Variants in RGS6 observed in about 807,000 individuals in gnomAD.
RGS6 encodes the protein regulator of G protein signaling 6, also known as regulator of G-protein signaling 6.
RGS6 carries 30 observed loss-of-function variants against 78.5 expected under a neutral mutation model. The observed-to-expected ratio is 0.38, with a 90% CI of 0.29 to 0.52. The LOEUF (loss-of-function observed/expected upper bound fraction) is 0.52, where lower values mean the gene tolerates loss of function less well. Ranked by LOEUF, RGS6 falls within the 20% of genes least tolerant of loss-of-function variation. The pLI is 0.85. For missense variants in RGS6, 495 were observed against 609.7 expected (o/e 0.81, Z 1.98); for synonymous variants, 206 against 206.0 (o/e 1.00, Z 0.00).
intron 2 of RGS6, among the ~76,000 whole-genome samples, chr14:71,968,206 A>G (rs927393209): frequency 7.2e-5 from 11 of 152,172 alleles, no homozygotes; most frequent in African/African-American, 1.9e-4. Flanking sequence ...CTAGCTATAC[A>G]TCACATCATT....
At chr14:72,604,578 G>A in the RGS6 span, among the ~76,000 whole-genome samples, 13 of 152,292 alleles carry the variant, frequency 8.5e-5, 3 homozygotes, top group Middle Eastern at 0.041. Flanking sequence ...ACATGAGACG[G>A]TGAGTTGTGT....
the RGS6 span, among the ~76,000 whole-genome samples, chr14:71,905,167 C>T: frequency 6.6e-6 from 1 of 152,184 alleles, no homozygotes; most frequent in Non-Finnish European, 1.5e-5. Context: ...GTTTCTTTTT[C>T]CATCCATGGA....
intron 3 of RGS6, among the ~76,000 whole-genome samples, chr14:72,412,889 TC>T (rs1432385097): frequency 1.3e-5 from 2 of 152,010 alleles, no homozygotes; most frequent in Admixed American, 6.5e-5. Context: ...TGAGTGAGTT[TC>T]TTAATCCTGA....
intron 3 of RGS6, among the ~76,000 whole-genome samples, chr14:72,391,599 A>G (rs2090004550): frequency 6.6e-6 from 1 of 152,178 alleles, no homozygotes. Context: ...TCTGTTACAT[A>G]TATGTATATA....
chr14:72,121,085 C>G (rs1801729658), intron 2 of RGS6, among the ~76,000 whole-genome samples: 1 of 152,186 alleles, frequency 6.6e-6, no homozygotes, highest in African/African-American at 2.4e-5. Flanking sequence ...AACCGCATCT[C>G]TCTCCCTCAG....
At chr14:72,381,488 C>T (rs760054102) in intron 3 of RGS6, among the ~76,000 whole-genome samples, 6 of 151,924 alleles carry the variant, frequency 3.9e-5, no homozygotes, top group African/African-American at 1.2e-4. Flanking sequence ...TATCAAAAAA[C>T]GACTGACAGC....
intron 2 of RGS6, among the ~76,000 whole-genome samples, chr14:72,161,524 C>T (rs2096853437): frequency 6.6e-6 from 1 of 152,158 alleles, no homozygotes; most frequent in Non-Finnish European, 1.5e-5. Context: ...GTACCATTTC[C>T]TCATTACTCA....
chr14:72,207,771 C>G (rs847295), intron 2 of RGS6, among the ~76,000 whole-genome samples: 143,337 of 152,274 alleles, frequency 0.94, 67,758 homozygotes, highest in South Asian at 1. Flanking sequence ...ACCCAATAGG[C>G]ACTCTCCCTT....
At chr14:72,097,097 A>G (rs1343694059) in intron 2 of RGS6, among the ~76,000 whole-genome samples, 1 of 152,236 alleles carries the variant, frequency 6.6e-6, no homozygotes, top group Non-Finnish European at 1.5e-5. Context: ...GAGTGAGTTG[A>G]AATCTTCAGC....
chr14:71,927,112 A>G, the RGS6 span, among the ~76,000 whole-genome samples: 1 of 152,232 alleles, frequency 6.6e-6, no homozygotes, highest in African/African-American at 2.4e-5. Context: ...ATGCCTAGGT[A>G]AAGAAGCTCG....
chr14:71,879,116 C>T, the RGS6 span, among the ~76,000 whole-genome samples: 2 of 152,066 alleles, frequency 1.3e-5, no homozygotes, highest in African/African-American at 4.8e-5. Flanking sequence ...GGAAGAAAAA[C>T]CCCAAGATTC....
At chr14:72,038,478 A>G (rs1433142074) in intron 2 of RGS6, among the ~76,000 whole-genome samples, 2 of 152,224 alleles carry the variant, frequency 1.3e-5, no homozygotes, top group Non-Finnish European at 2.9e-5. Flanking sequence ...TAGATTAATT[A>G]GGGGAAGATT....
At chr14:72,076,502 A>G (rs1231598031) in intron 2 of RGS6, among the ~76,000 whole-genome samples, 3 of 152,198 alleles carry the variant, frequency 2.0e-5, no homozygotes, top group Non-Finnish European at 4.4e-5. Flanking sequence ...CTAAAAATAT[A>G]TGTACATTTA....
chr14:72,228,912 G>T (rs565769153), intron 2 of RGS6, among the ~76,000 whole-genome samples: 1 of 152,108 alleles, frequency 6.6e-6, no homozygotes, highest in Admixed American at 6.5e-5. Context: ...AAATTTAGCC[G>T]GGCAAGGCGG....
intron 4 of RGS6, among the ~76,000 whole-genome samples, chr14:72,456,322 A>C (rs1434544659): frequency 6.6e-6 from 1 of 152,064 alleles, no homozygotes; most frequent in Non-Finnish European, 1.5e-5. Flanking sequence ...GCAAGGTCTC[A>C]CTCTGTCACC....
At chr14:72,568,886 G>A (rs943538490), downstream of RGS6, among the ~76,000 whole-genome samples, 3 of 152,234 alleles carry the variant, frequency 2.0e-5, no homozygotes, top group Non-Finnish European at 4.4e-5. Flanking sequence ...GGGCAGCCTC[G>A]TTCCTACAAT....
intron 2 of RGS6, among the ~76,000 whole-genome samples, chr14:72,018,455 A>G (rs1294088445): frequency 6.6e-6 from 1 of 152,176 alleles, no homozygotes. Context: ...TTCCCTGCCC[A>G]TTCATTAGTC....
chr14:72,063,756 A>G (rs745430718), intron 2 of RGS6, among the ~76,000 whole-genome samples: 2 of 152,124 alleles, frequency 1.3e-5, no homozygotes, highest in Non-Finnish European at 2.9e-5. Context: ...TGCATGTTCT[A>G]GATTTGTACG....
chr14:72,325,156 C>T (rs559988471), intron 2 of RGS6, among the ~76,000 whole-genome samples: 80 of 152,282 alleles, frequency 5.3e-4, no homozygotes, highest in African/African-American at 1.8e-3. Flanking sequence ...TGTCTTCTTT[C>T]GAGAAGTATC....
Sources: allele counts gnomAD v4.1 joint callset (sites outside exome capture counted in the v4.1 genomes callset), GRCh38; gene constraint gnomAD v4.1.1; transcripts MANE v1.5; gene names NCBI Gene and HGNC (gene_info 2026-07-23, HGNC 2026-07-21).